LRRIQ3: variants seen among roughly 807,000 people sequenced by gnomAD.
LRRIQ3 encodes leucine-rich repeat and IQ domain-containing protein 3.
Under a neutral mutation model 59.3 loss-of-function variants are expected in LRRIQ3, and 75 were observed. The observed-to-expected ratio is 1.26, with a 90% CI of 1.05 to 1.53. LRRIQ3 has a LOEUF of 1.53. LRRIQ3 is among the 40% of genes most tolerant of loss of function. LRRIQ3 has a pLI of 0.00. For missense variants in LRRIQ3, 831 were observed against 710.0 expected, an observed-to-expected ratio of 1.17 and a Z score of -1.94; for synonymous variants, 250 against 231.3, an observed-to-expected ratio of 1.08 and a Z score of -0.73.
In LRRIQ3 at chr1:74,182,707, C is replaced by T. The variant is rs374894279; in HGVS notation, c.404G>A (p.Ser135Asn). The change falls in exon 3 of 8, where the codon AGC (serine) becomes AAC (asparagine). Residue 135 changes from serine (S) to asparagine (N), a missense_variant. Ser to Asn is a conservative substitution (Grantham distance 46). Coordinates refer to ENST00000354431, the MANE Select transcript of LRRIQ3 (RefSeq NM_001105659.2). ...AACATGTCTATATCCTTTTTTAAGG[C>T]TTACTGGACAATCAAACATAGTGAG... is the stretch of plus-strand genomic sequence containing the variant. ...IALTMFDCPV[S>N]LKKGYRHVLV... 5.0e-6 allele frequency: 8 copies of T among 1,612,502 alleles called. No homozygotes were observed. In the African/African-American group the frequency reaches 9.4e-5, roughly 19 times the overall value.
intron 7 of LRRIQ3, among the ~76,000 whole-genome samples, chr1:74,031,348 A>C (rs1348223093): frequency 6.6e-6 from 1 of 152,166 alleles, no homozygotes; most frequent in African/African-American, 2.4e-5. Context: ...AAAAGCAAAG[A>C]CTTGGAACTA....
chr1:74,098,123 G>C (rs1646474191), intron 5 of LRRIQ3, among the ~76,000 whole-genome samples: 1 of 151,902 alleles, frequency 6.6e-6, no homozygotes, highest in African/African-American at 2.4e-5. Context: ...ATTGGATAAA[G>C]AGTCAAGACC....
chr1:74,031,927 A>G (rs1360928275), intron 7 of LRRIQ3, among the ~76,000 whole-genome samples: 1 of 152,066 alleles, frequency 6.6e-6, no homozygotes, highest in Non-Finnish European at 1.5e-5. Flanking sequence ...ATGTAATAAA[A>G]GATAGGCAAG....
chr1:74,028,390 G>C (rs1304319616), intron 7 of LRRIQ3, among the ~76,000 whole-genome samples: 1 of 152,068 alleles, frequency 6.6e-6, no homozygotes, highest in Non-Finnish European at 1.5e-5. Flanking sequence ...CATAGGGTTA[G>C]TAAAGGACTA....
intron 1 of LRRIQ3, among the ~76,000 whole-genome samples, chr1:74,186,040 T>C (rs1650353025): frequency 6.7e-6 from 1 of 149,566 alleles, no homozygotes; most frequent in African/African-American, 2.4e-5. Context: ...TATATATATG[T>C]ACACAAAATT....
At chr1:74,124,770 T>C (rs1048823770) in intron 4 of LRRIQ3, among the ~76,000 whole-genome samples, 4 of 152,126 alleles carry the variant, frequency 2.6e-5, no homozygotes, top group Middle Eastern at 3.4e-3. Flanking sequence ...ATCTCTGTAG[T>C]ATAATTTGAA....
intron 6 of LRRIQ3, among the ~76,000 whole-genome samples, chr1:74,055,434 T>A (rs999853095): frequency 2.0e-5 from 3 of 152,076 alleles, no homozygotes; most frequent in Admixed American, 2.0e-4. Flanking sequence ...GCAATTCATA[T>A]ACATGGAGTC....
In LRRIQ3 at chr1:74,198,054, A is replaced by G. The variant is rs1651348212; in HGVS notation, c.-59T>C. ...GAGACAAGTGGCCCAGCCCCAACAC[A>G]GTCAGACAAATCGCTGGGCGGCCAT... is the stretch of plus-strand genomic sequence containing the variant. On this transcript the variant is annotated 5_prime_UTR_variant, in exon 1 of 8. Coordinates refer to ENST00000354431, the MANE Select transcript of LRRIQ3 (RefSeq NM_001105659.2). 4 of 915,260 alleles carry G rather than the reference A, an allele frequency of 4.4e-6. No individual in the cohort carries two copies. The highest frequency in any genetic ancestry group is 6.3e-6 in the Non-Finnish European group (4 of 632,398). 56.7% of individuals were successfully genotyped at this position (915,260 alleles called of 1,614,324 possible).
intron 3 of LRRIQ3, among the ~76,000 whole-genome samples, chr1:74,158,600 C>T (rs369427916): frequency 8.5e-5 from 13 of 152,132 alleles, no homozygotes; most frequent in South Asian, 4.1e-4. Context: ...TATCCTGTGT[C>T]GTGTGAAATA....
At chr1:74,070,635 T>C (rs1557601779) in intron 6 of LRRIQ3, among the ~76,000 whole-genome samples, 1 of 151,954 alleles carries the variant, frequency 6.6e-6, no homozygotes, top group Non-Finnish European at 1.5e-5. Context: ...AAATGATATA[T>C]ATATGTATAT....
intron 6 of LRRIQ3, among the ~76,000 whole-genome samples, chr1:74,068,458 A>G (rs1418377851): frequency 6.6e-6 from 1 of 151,764 alleles, no homozygotes; most frequent in African/African-American, 2.4e-5. Context: ...GACTGATCAC[A>G]TAATTTTTAC....
rs1453535959 is a variant in LRRIQ3, at chr1:74,060,185, CTTT to C, written c.997+14473_997+14475del. On this transcript the variant is annotated intron_variant, in intron 6 of 7. Coordinates refer to ENST00000354431, the MANE Select transcript of LRRIQ3 (RefSeq NM_001105659.2). Reference sequence around the variant, plus strand: ...TCTTCGTCGTCATCTTCTTCTTCTTCTTTTTCTTCTTCTTCTTCTTCTTCTTCT... The same window carrying C: ...TCTTCGTCGTCATCTTCTTCTTCTTCTTCTTCTTCTTCTTCTTCTTCTTCT... Among the ~76,000 whole-genome samples, 227 of 141,748 alleles carry C rather than the reference CTTT, an allele frequency of 1.6e-3. 2 individuals are homozygous for C. Among genetic ancestry groups the C allele is most frequent in the Middle Eastern group, 7.0e-3 (2 of 284 alleles). 93.0% of individuals were successfully genotyped at this position (141,748 alleles called of 152,430 possible).
chr1:74,183,307 T>G, intron 2 of LRRIQ3, 129 bp downstream of exon 2: 1 of 752,858 alleles, frequency 1.3e-6, no homozygotes, highest in East Asian at 2.9e-5. Context: ...TTTAATTTAT[T>G]GTTAAATTTT....
intron 5 of LRRIQ3, among the ~76,000 whole-genome samples, chr1:74,100,612 C>A (rs977559214): frequency 2.0e-5 from 3 of 152,100 alleles, no homozygotes; most frequent in Admixed American, 6.6e-5. Flanking sequence ...CAATCCTAAG[C>A]CAAAAGAACA....
chr1:74,037,373 C>G (rs1653902293), intron 7 of LRRIQ3, among the ~76,000 whole-genome samples: 1 of 152,086 alleles, frequency 6.6e-6, no homozygotes, highest in Non-Finnish European at 1.5e-5. Flanking sequence ...TGAGGTGACT[C>G]ACACCTGTAA....
At position 74,130,054 on chromosome 1, in the gene LRRIQ3, C is replaced by G. The variant is rs147506552; in HGVS notation, c.708-20501G>C. Among the ~76,000 whole-genome samples the G allele has an allele frequency of 3.7e-3, 566 of 152,038 alleles. 9 individuals carry two copies. Among genetic ancestry groups the G allele is most frequent in the African/African-American group, 0.013 (527 of 41,496 alleles). On this transcript the variant is annotated intron_variant, in intron 4 of 7. Transcript: ENST00000354431. ...CTCTTGGAGTTGCAAGCTATGTTGT[C>G]TAGTGTTGGGTGAGGGGTGATGCAA...
At chr1:74,082,294 A>T (rs1252229232) in intron 5 of LRRIQ3, 1 of 151,576 alleles carries the variant, frequency 6.6e-6, no homozygotes, top group Non-Finnish European at 1.5e-5. Flanking sequence ...GCATTTTATT[A>T]AACCTCATGT....
chr1:74,170,448 C>T (rs1280635811), intron 3 of LRRIQ3, among the ~76,000 whole-genome samples: 1 of 152,098 alleles, frequency 6.6e-6, no homozygotes, highest in Non-Finnish European at 1.5e-5. Context: ...GTATTCTTGG[C>T]ACCCTTGCTG....
chr1:74,186,348 T>C (rs1650375106), intron 1 of LRRIQ3, among the ~76,000 whole-genome samples: 1 of 152,072 alleles, frequency 6.6e-6, no homozygotes, highest in South Asian at 2.1e-4. Context: ...CTAATGGTAT[T>C]ATTCCAAAGT....
Sources: gnomAD v4.1 joint callset for allele counts (sites outside exome capture counted in the v4.1 genomes callset) on GRCh38, gnomAD v4.1.1 for gene constraint, MANE v1.5 for transcripts, NCBI Gene and HGNC (gene_info 2026-07-23, HGNC 2026-07-21) for gene names.